ALG5: variants seen among roughly 807,000 people sequenced by gnomAD.
The protein encoded by ALG5 is dolichyl-phosphate beta-glucosyltransferase.
In ALG5, 26 loss-of-function variants were observed where a neutral mutation model predicts 51.8. That is an observed-to-expected ratio of 0.50 (90% CI 0.37 to 0.70). ALG5 has a LOEUF of 0.70. ALG5 is among the 30% of genes least tolerant of loss of function. ALG5 has a pLI of 0.00. For missense variants in ALG5, 311 were observed against 399.3 expected (o/e 0.78, Z 1.88); for synonymous variants, 141 against 136.1 (o/e 1.04, Z -0.25).
At chr13:36,993,195 T>C (rs1010573839) in intron 4 of ALG5, among the ~76,000 whole-genome samples, 5 of 152,366 alleles carry the variant, frequency 3.3e-5, no homozygotes, top group Admixed American at 3.3e-4. Flanking sequence ...ATCCTGCCAA[T>C]GCTCTCTGTG....
At chr13:36,990,996 G>T (rs1202347168) in intron 4 of ALG5, among the ~76,000 whole-genome samples, 1 of 152,164 alleles carries the variant, frequency 6.6e-6, no homozygotes, top group Non-Finnish European at 1.5e-5. Context: ...CATAAGCCCT[G>T]TTCAAACACC....
At chr13:36,975,661 A>G (rs1279705749) in intron 6 of ALG5, among the ~76,000 whole-genome samples, 2 of 152,218 alleles carry the variant, frequency 1.3e-5, no homozygotes, top group African/African-American at 4.8e-5. Context: ...TCTGTATTTT[A>G]GATTTCCTTC....
chr13:36,957,375 G>A (rs1194694858), intron 8 of ALG5, among the ~76,000 whole-genome samples: 1 of 151,760 alleles, frequency 6.6e-6, no homozygotes, highest in African/African-American at 2.4e-5. Flanking sequence ...GGACAGAAAA[G>A]GCCCAAGAGG....
At chr13:36,990,904 A>G (rs977822655) in intron 4 of ALG5, among the ~76,000 whole-genome samples, 4 of 152,140 alleles carry the variant, frequency 2.6e-5, no homozygotes, top group Non-Finnish European at 1.5e-5. Context: ...CTTATCCCCT[A>G]AAGTCCCCAC....
At chr13:36,955,485 A>G (rs2058835367) in intron 8 of ALG5, among the ~76,000 whole-genome samples, 1 of 152,044 alleles carries the variant, frequency 6.6e-6, no homozygotes, top group Non-Finnish European at 1.5e-5. Context: ...AAAAGTTAAT[A>G]CTGAAAAACA....
chr13:36,977,724 G>A (rs922315332), intron 6 of ALG5, among the ~76,000 whole-genome samples: 1 of 128,170 alleles, frequency 7.8e-6, no homozygotes, highest in African/African-American at 2.9e-5. Context: ...CTCGGGAAGT[G>A]TAGGTTGCAG....
intron 7 of ALG5, among the ~76,000 whole-genome samples, chr13:36,966,784 A>T (rs2058895635): frequency 6.6e-6 from 1 of 152,222 alleles, no homozygotes; most frequent in Admixed American, 6.5e-5. Flanking sequence ...TAGAACATTT[A>T]ATATCTCATA....
At chr13:36,958,195 C>T (rs1211239904) in intron 8 of ALG5, among the ~76,000 whole-genome samples, 1 of 152,006 alleles carries the variant, frequency 6.6e-6, no homozygotes, top group Non-Finnish European at 1.5e-5. Flanking sequence ...TCACTCTCAC[C>T]GCACCCCCTC....
chr13:36,984,121 C>T (rs1231409665), intron 6 of ALG5, among the ~76,000 whole-genome samples: 2 of 146,164 alleles, frequency 1.4e-5, no homozygotes, highest in African/African-American at 2.5e-5. Context: ...TTTTTTGAGA[C>T]AGGCTCTTGC....
chr13:36,994,941 G>A (rs761248097), intron 3 of ALG5, 48 bp downstream of exon 3: 2 of 1,537,928 alleles, frequency 1.3e-6, no homozygotes, highest in Non-Finnish European at 1.8e-6. Context: ...TTGGTGACCT[G>A]GTCTAGTTTT....
At chr13:36,961,146 T>C (rs1204907028) in intron 8 of ALG5, among the ~76,000 whole-genome samples, 1 of 152,102 alleles carries the variant, frequency 6.6e-6, no homozygotes, top group Non-Finnish European at 1.5e-5. Context: ...CAGAGTGCGG[T>C]GGCTCATGCC....
At chr13:36,973,513 A>G (rs549319725) in intron 6 of ALG5, among the ~76,000 whole-genome samples, 1 of 152,344 alleles carries the variant, frequency 6.6e-6, no homozygotes, top group East Asian at 1.9e-4. Flanking sequence ...TTAAATGTAA[A>G]ACATCAGAAA....
chr13:36,973,851 C>T (rs970113986), intron 6 of ALG5, among the ~76,000 whole-genome samples: 3 of 152,102 alleles, frequency 2.0e-5, no homozygotes, highest in African/African-American at 7.2e-5. Context: ...ACACTTATTC[C>T]AAGAGTAATG....
chr13:36,959,602 ACATGCGAAGAGT>A (rs2058856509), intron 8 of ALG5, among the ~76,000 whole-genome samples: 1 of 152,168 alleles, frequency 6.6e-6, no homozygotes, highest in Non-Finnish European at 1.5e-5. Context: ...GGTGGAAACA[ACATGCGAAGAGT>A]CAAGATTCAG....
chr13:36,992,803 T>C (rs1380572346), intron 4 of ALG5, among the ~76,000 whole-genome samples: 1 of 152,240 alleles, frequency 6.6e-6, no homozygotes, highest in Non-Finnish European at 1.5e-5. Context: ...AATCTATAAA[T>C]ACTTAACTTA....
In ALG5 at chr13:36,949,985, A is replaced by AC; in HGVS notation, c.931_932insG (p.Leu311CysfsTer8). On this transcript the variant is annotated frameshift_variant, in exon 10 of 10. Coordinates refer to ENST00000239891, the MANE Select transcript of ALG5 (RefSeq NM_013338.5). LOFTEE classifies it high-confidence loss of function. ...TTGCTCAAGCCTCCAGGCACCAGTC[A>AC]AATATCGAAGTCGTATAAAAAGTAG... The AC allele has an allele frequency of 6.2e-7, 1 of 1,613,484 alleles. No individual in the cohort carries two copies. The highest frequency in any genetic ancestry group is 8.5e-7 in the Non-Finnish European group (1 of 1,179,852).
At chr13:36,973,610 T>C (rs1052901212) in intron 6 of ALG5, among the ~76,000 whole-genome samples, 1 of 152,100 alleles carries the variant, frequency 6.6e-6, no homozygotes, top group African/African-American at 2.4e-5. Context: ...AAGAATTGTA[T>C]GATAAAATAA....
At chr13:36,967,963 G>T in intron 7 of ALG5, 1 of 349,226 alleles carries the variant, frequency 2.9e-6, no homozygotes, top group Non-Finnish European at 5.0e-6. Context: ...GCTCTGGCTT[G>T]GATGTTAATA....
intron 8 of ALG5, 71 bp from the exon 9 acceptor site, chr13:36,952,670 T>C: frequency 1.1e-6 from 1 of 903,800 alleles, no homozygotes; most frequent in African/African-American, 1.8e-5. Context: ...TACCTTGGCA[T>C]GTTTTAAAGA....
Sources: gnomAD v4.1 joint callset for allele counts (sites outside exome capture counted in the v4.1 genomes callset) on GRCh38, gnomAD v4.1.1 for gene constraint, MANE v1.5 for transcripts, NCBI Gene and HGNC (gene_info 2026-07-23, HGNC 2026-07-21) for gene names.